The following CLDN14 variants were observed in gnomAD, a reference collection of about 807,000 sequenced individuals.
The protein encoded by CLDN14 is claudin-14.
CLDN14 carries 2 observed loss-of-function variants against 2.1 expected under a neutral mutation model. The ratio of observed to expected loss-of-function variants is 0.96; its 90% CI spans 0.39 to 3.01. CLDN14 has a LOEUF of 3.01. CLDN14 is among the 30% of genes most tolerant of loss of function. The pLI is 0.09. For missense variants in CLDN14, 298 were observed against 328.0 expected (o/e 0.91, Z 0.71); for synonymous variants, 136 against 154.4 (o/e 0.88, Z 0.88).
At chr21:36,528,635 G>A (rs1422304262) in intron 1 of CLDN14, among the ~76,000 whole-genome samples, 1 of 152,196 alleles carries the variant, frequency 6.6e-6, no homozygotes, top group African/African-American at 2.4e-5. Context: ...GGGGTATGTG[G>A]GTCCCTGAGT....
At chr21:36,573,136 C>G (rs1423841677) in intron 1 of CLDN14, among the ~76,000 whole-genome samples, 4 of 151,982 alleles carry the variant, frequency 2.6e-5, no homozygotes, top group African/African-American at 9.7e-5. Context: ...TCCGTCTCTA[C>G]TAAAAATACA....
intron 2 of CLDN14, among the ~76,000 whole-genome samples, chr21:36,509,275 G>A (rs1601616978): frequency 6.6e-6 from 1 of 152,210 alleles, no homozygotes; most frequent in Non-Finnish European, 1.5e-5. Flanking sequence ...AGCTCAGACC[G>A]GAAACCACAG....
chr21:36,489,131 A>AATATATATATATAT (rs1555847001), intron 2 of CLDN14, among the ~76,000 whole-genome samples: 2 of 62,746 alleles, frequency 3.2e-5, no homozygotes, highest in African/African-American at 1.2e-4. Flanking sequence ...AAAAAAAAAA[A>AATATATATATATAT]ATATATATAT....
At chr21:36,465,607 C>G (rs990441376) in intron 1 of CLDN14, among the ~76,000 whole-genome samples, 2 of 152,172 alleles carry the variant, frequency 1.3e-5, no homozygotes, top group African/African-American at 4.8e-5. Context: ...CCCTGGAAGC[C>G]ACATAAAATT....
At chr21:36,514,295 A>G (rs936603993) in intron 1 of CLDN14, among the ~76,000 whole-genome samples, 2 of 152,190 alleles carry the variant, frequency 1.3e-5, no homozygotes, top group Non-Finnish European at 2.9e-5. Context: ...TAGCAGCCTC[A>G]TGGGAGCTGG....
chr21:36,546,091 C>T (rs2087524342), intron 1 of CLDN14, among the ~76,000 whole-genome samples: 1 of 152,226 alleles, frequency 6.6e-6, no homozygotes. Flanking sequence ...TGTTCAACCT[C>T]TGGCTACTTT....
intron 1 of CLDN14, among the ~76,000 whole-genome samples, chr21:36,462,622 G>T (rs2086592533): frequency 6.6e-6 from 1 of 151,948 alleles, no homozygotes; most frequent in Non-Finnish European, 1.5e-5. Context: ...CATCAACATA[G>T]GGCCAGGCAT....
At chr21:36,521,315 A>G (rs541956183) in intron 1 of CLDN14, among the ~76,000 whole-genome samples, 1 of 152,214 alleles carries the variant, frequency 6.6e-6, no homozygotes, top group East Asian at 1.9e-4. Context: ...TAACTTGGAG[A>G]GGAGTGGCAA....
chr21:36,498,997 C>T lies in CLDN14; in HGVS notation c.-82+11366G>A, dbSNP rs1300904295. Among the ~76,000 whole-genome samples the T allele has an allele frequency of 1.3e-5, 2 of 152,148 alleles. No individual in the cohort carries two copies. The highest frequency in any genetic ancestry group is 4.8e-5 in the African/African-American group (2 of 41,422). On this transcript the variant is annotated intron_variant, in intron 2 of 2. Transcript: ENST00000342108. The surrounding 1 kb of genome is among the most constrained non-coding windows in gnomAD (Gnocchi z 4.9). ...TTGCACTCCATCCATCTGGATGAAG[C>T]ACCTTTATTTTCTAATTTGGCCAGT...
chr21:36,573,683 CA>C (rs537565421), intron 1 of CLDN14, among the ~76,000 whole-genome samples: 3 of 152,066 alleles, frequency 2.0e-5, no homozygotes, highest in Non-Finnish European at 4.4e-5. Flanking sequence ...TATGAATCTA[CA>C]AAACTATCAC....
chr21:36,560,116 G>A (rs2087623781), intron 1 of CLDN14, among the ~76,000 whole-genome samples: 1 of 152,104 alleles, frequency 6.6e-6, no homozygotes, highest in Non-Finnish European at 1.5e-5. Context: ...TGTAATAATT[G>A]TGAACAATTT....
chr21:36,554,279 A>ATGCT (rs1247322983), intron 1 of CLDN14, among the ~76,000 whole-genome samples: 1 of 152,198 alleles, frequency 6.6e-6, no homozygotes, highest in Admixed American at 6.5e-5. Context: ...ACAAGGAAGC[A>ATGCT]GCTCCTGCTC....
chr21:36,511,742 A>G (rs2087188698), intron 1 of CLDN14, among the ~76,000 whole-genome samples: 1 of 152,064 alleles, frequency 6.6e-6, no homozygotes, highest in South Asian at 2.1e-4. Context: ...AAGACCTAAG[A>G]TGATATTCAC....
At chr21:36,478,832 C>T (rs149398998) in intron 1 of CLDN14, among the ~76,000 whole-genome samples, 97 of 152,312 alleles carry the variant, frequency 6.4e-4, no homozygotes, top group East Asian at 4.6e-3. Context: ...CTGGGTCCCT[C>T]CTGCCCATCC....
At chr21:36,575,591 C>G (rs1347565365) in intron 1 of CLDN14, among the ~76,000 whole-genome samples, 1 of 152,234 alleles carries the variant, frequency 6.6e-6, no homozygotes, top group Non-Finnish European at 1.5e-5. Flanking sequence ...AGTGCCACTG[C>G]TGTGCACTGT....
intron 1 of CLDN14, among the ~76,000 whole-genome samples, chr21:36,466,702 T>C (rs1417508347): frequency 6.6e-6 from 1 of 152,152 alleles, no homozygotes; most frequent in South Asian, 2.1e-4. Context: ...TCCTCACATT[T>C]CAAAACACAA....
chr21:36,500,983 C>T (rs1485333985), intron 2 of CLDN14, among the ~76,000 whole-genome samples: 1 of 152,238 alleles, frequency 6.6e-6, no homozygotes, highest in Non-Finnish European at 1.5e-5. Flanking sequence ...AGAAAGCAAA[C>T]TCGGAGAGCT....
chr21:36,495,369 G>C (rs1355536438), intron 2 of CLDN14, among the ~76,000 whole-genome samples: 1 of 152,190 alleles, frequency 6.6e-6, no homozygotes, highest in Non-Finnish European at 1.5e-5. Flanking sequence ...CAGAAAGTCT[G>C]ATTGGATCAA....
chr21:36,570,333 A>C (rs2087700646), intron 1 of CLDN14, among the ~76,000 whole-genome samples: 1 of 152,198 alleles, frequency 6.6e-6, no homozygotes, highest in African/African-American at 2.4e-5. Flanking sequence ...TGTTGATGCT[A>C]ATGCTGGTCA....
Sources: allele counts gnomAD v4.1 joint callset (sites outside exome capture counted in the v4.1 genomes callset), GRCh38; gene constraint gnomAD v4.1.1; non-coding constraint Gnocchi (gnomAD v3.1); transcripts MANE v1.5; gene names NCBI Gene and HGNC (gene_info 2026-07-23, HGNC 2026-07-21).